The following PKM variants were observed in gnomAD, a reference collection of about 807,000 sequenced individuals.
The protein encoded by PKM is pyruvate kinase M1/2, also known as pyruvate kinase PKM.
A neutral mutation model predicts 49.8 loss-of-function variants in PKM; 18 were observed. That is an observed-to-expected ratio of 0.36 (90% CI 0.25 to 0.54). The LOEUF is 0.54. Ranked by LOEUF, PKM falls within the 20% of genes least tolerant of loss-of-function variation. The pLI is 0.89. For missense variants in PKM, 508 were observed against 713.8 expected (o/e 0.71, Z 3.28); for synonymous variants, 239 against 261.8 (o/e 0.91, Z 0.84).
At position 72,217,406 on chromosome 15, in the gene PKM, C is replaced by T. The variant is rs1291664623; in HGVS notation, c.246+3G>A. ...ATGGCCATAGGGTCCAGCCACAGCT[C>T]ACCTCATGAGTTCCATGAGAGAAGT... is the stretch of plus-strand genomic sequence containing the variant. On this transcript the variant is annotated splice_donor_region_variant and intron_variant, in intron 3 of 10. Coordinates refer to ENST00000335181, the MANE Select transcript of PKM (RefSeq NM_002654.6). 9 of 1,578,134 alleles carry T rather than the reference C, an allele frequency of 5.7e-6. No homozygotes were observed. Among genetic ancestry groups the T allele is most frequent in the Admixed American group, 1.7e-5 (1 of 59,966 alleles).
At chr15:72,231,015 C>T in intron 1 of PKM, 101 bp downstream of exon 1, 1 of 1,232,552 alleles carries the variant, frequency 8.1e-7, no homozygotes, top group Non-Finnish European at 1.1e-6. Context: ...CTGCGCCGCC[C>T]TGCCTGCGTG....
rs1337200953 is a variant in PKM, at chr15:72,202,197, C to A, written c.1307+257G>T. On this transcript the variant is annotated intron_variant, in intron 9 of 10. Transcript: ENST00000335181. This position sits in a 1 kb window ranked among gnomAD's most constrained non-coding sequence, Gnocchi z 4.5. ...TAACCATTTGTAGTCAGCCTGTGCA[C>A]TGTTATGTAATAAATCTCCAGCATA... 3.6e-6 allele frequency: 2 copies of A among 555,904 alleles called. No homozygotes were observed. The highest frequency in any genetic ancestry group is 3.8e-5 in the African/African-American group (2 of 53,162). The allele number at this position is 555,904 out of a possible 1,614,324, so 34.4% of individuals were successfully genotyped here.
intron 6 of PKM, 86 bp downstream of exon 6, chr15:72,208,534 TA>T: frequency 7.1e-7 from 1 of 1,415,684 alleles, no homozygotes; most frequent in Admixed American, 1.7e-5. Context: ...TCTGATGGGC[TA>T]GGGGCTGGGA....
rs1268894741 is a variant in PKM at position 72,209,669 on chromosome 15, G to A, written c.565+4C>T. The A allele has an allele frequency of 4.3e-6, 7 of 1,611,964 alleles. No homozygotes were observed. Among genetic ancestry groups the A allele is most frequent in the Middle Eastern group, 1.8e-4 (1 of 5,536 alleles). ...GACAACTGGACTCCAGCTCCCATAC[G>A]TACCTTTCTGCTTCACCTGGAGAGA... On this transcript the variant is annotated splice_donor_region_variant and intron_variant, in intron 5 of 10. Transcript: ENST00000335181.
intron 1 of PKM, among the ~76,000 whole-genome samples, chr15:72,222,917 A>G (rs1167139164): frequency 1.3e-5 from 2 of 151,552 alleles, no homozygotes; most frequent in African/African-American, 4.9e-5. Context: ...GGCTTTTTAT[A>G]TTAGTTTCCT....
intron 3 of PKM, among the ~76,000 whole-genome samples, chr15:72,213,628 A>G (rs2082308693): frequency 6.6e-6 from 1 of 152,136 alleles, no homozygotes; most frequent in Non-Finnish European, 1.5e-5. Flanking sequence ...ACAGGGTTTC[A>G]CCATGTTGGC....
chr15:72,199,729 C>T lies in PKM; in HGVS notation c.1517G>A (p.Gly506Glu), dbSNP rs1567097982. 1 of 1,614,008 alleles carries T rather than the reference C, an allele frequency of 6.2e-7. No homozygotes were observed. The highest frequency in any genetic ancestry group is 8.5e-7 in the Non-Finnish European group (1 of 1,179,884). ...TCCGGTCAGCACAATGACCACATCTCCCTTCTTGAAGAAGCCTCGGGCCTT... is the reference window on the plus strand; with the variant it reads ...TCCGGTCAGCACAATGACCACATCTTCCTTCTTGAAGAAGCCTCGGGCCTT... ...VGKARGFFKK[G>E]DVVIVLTGWR... is the part of the protein sequence containing the mutation. The change falls in exon 11 of 11, where the codon GGA becomes GAA. Residue 506 changes from glycine (G) to glutamate (E), a missense_variant. By Grantham distance (98) the Gly-to-Glu change is moderately conservative. Coordinates refer to ENST00000335181, the MANE Select transcript of PKM (RefSeq NM_002654.6).
intron 8 of PKM, chr15:72,206,524 G>C (rs1207786253): frequency 1.7e-6 from 1 of 588,884 alleles, no homozygotes; most frequent in South Asian, 2.0e-5. Flanking sequence ...ATGGAGGGGT[G>C]GGGGTGTGGG....
intron 10 of PKM, among the ~76,000 whole-genome samples, 198 bp from the exon 11 acceptor site, chr15:72,199,954 G>A (rs1165683322): frequency 6.6e-6 from 1 of 152,118 alleles, no homozygotes; most frequent in Non-Finnish European, 1.5e-5. Context: ...TGGCAGGGTT[G>A]GCAGGGACCT....
At chr15:72,213,917 C>T (rs1199441402) in intron 3 of PKM, among the ~76,000 whole-genome samples, 1 of 152,222 alleles carries the variant, frequency 6.6e-6, no homozygotes, top group African/African-American at 2.4e-5. Context: ...CTTATTTGCA[C>T]ATCCTCGCAT....
At chr15:72,201,540 A>C (rs1043003828) in intron 9 of PKM, 1 of 152,310 alleles carries the variant, frequency 6.6e-6, no homozygotes, top group Non-Finnish European at 1.5e-5. Flanking sequence ...AGGCCTTCAG[A>C]GGGAAGCAAT....
chr15:72,205,108 G>GT (rs577172609), intron 8 of PKM, among the ~76,000 whole-genome samples: 14,053 of 145,732 alleles, frequency 0.096, 1,835 homozygotes, highest in African/African-American at 0.3. Context: ...CGATTTTTTT[G>GT]TTTTTTTTTT....
chr15:72,220,249 C>T (rs372568544), intron 1 of PKM, among the ~76,000 whole-genome samples: 1 of 152,204 alleles, frequency 6.6e-6, no homozygotes, highest in Non-Finnish European at 1.5e-5. Flanking sequence ...CTAAATGCTT[C>T]GGCCAAGCAA....
intron 3 of PKM, among the ~76,000 whole-genome samples, chr15:72,215,378 T>C (rs1017198033): frequency 1.3e-5 from 2 of 152,164 alleles, no homozygotes; most frequent in Non-Finnish European, 2.9e-5. Context: ...CCCTGACGTA[T>C]GGTAAGGCTG....
intron 3 of PKM, among the ~76,000 whole-genome samples, 174 bp downstream of exon 3, chr15:72,217,235 T>C (rs2082397796): frequency 6.6e-6 from 1 of 152,204 alleles, no homozygotes; most frequent in Non-Finnish European, 1.5e-5. Flanking sequence ...AGCCAGTTGC[T>C]TTGTCAGGAC....
intron 1 of PKM, among the ~76,000 whole-genome samples, chr15:72,224,840 T>C (rs1404556959): frequency 7.0e-6 from 1 of 141,882 alleles, no homozygotes; most frequent in Non-Finnish European, 1.5e-5. Flanking sequence ...GGCAACAGAG[T>C]GAAAAACTCT....
At chr15:72,221,839 G>A (rs1277994496) in intron 1 of PKM, among the ~76,000 whole-genome samples, 1 of 147,512 alleles carries the variant, frequency 6.8e-6, no homozygotes, top group Non-Finnish European at 1.5e-5. Flanking sequence ...AACGATACAA[G>A]TCTTAGGCCC....
intron 3 of PKM, among the ~76,000 whole-genome samples, chr15:72,212,473 C>T (rs1308116110): frequency 1.4e-5 from 2 of 146,582 alleles, no homozygotes; most frequent in Non-Finnish European, 3.0e-5. Flanking sequence ...AGTGAGATTC[C>T]GTCTCTAAAA....
rs1944242577 is a variant in PKM at position 72,209,755 on chromosome 15, G to A, written c.483C>T (p.Tyr161=). ...KCDENILWLD[Y]KNICKVVEVG... is the part of the protein sequence containing the mutation. ...CTTCCACCACCTTGCAGATGTTCTT[G>A]TAGTCCAGCCACAGGATGTTCTCGT... Residue 161 remains tyrosine (Y), a synonymous_variant, in exon 5 of 11, where the codon TAC becomes TAT. Coordinates refer to ENST00000335181, the MANE Select transcript of PKM (RefSeq NM_002654.6). The A allele has an allele frequency of 8.7e-6, 14 of 1,614,066 alleles. No homozygotes were observed. The highest frequency in any genetic ancestry group is 1.0e-5 in the Non-Finnish European group (12 of 1,179,980).
Sources: allele counts gnomAD v4.1 joint callset (sites outside exome capture counted in the v4.1 genomes callset), GRCh38; gene constraint gnomAD v4.1.1; non-coding constraint Gnocchi (gnomAD v3.1); transcripts MANE v1.5; gene names NCBI Gene and HGNC (gene_info 2026-07-23, HGNC 2026-07-21).